ARFGEF3: variants seen among roughly 807,000 people sequenced by gnomAD.
The protein encoded by ARFGEF3 is ARFGEF family member 3, also known as brefeldin A-inhibited guanine nucleotide-exchange protein 3.
Under a neutral mutation model 221.7 loss-of-function variants are expected in ARFGEF3, and 96 were observed. The ratio of observed to expected loss-of-function variants is 0.43; its 90% CI spans 0.37 to 0.51. ARFGEF3 has a LOEUF of 0.51. ARFGEF3 is among the 20% of genes least tolerant of loss of function. ARFGEF3 has a pLI of 0.00. For missense variants in ARFGEF3, 2,410 were observed against 2,789.9 expected (o/e 0.86, Z 3.07); for synonymous variants, 1,145 against 1,126.8 (o/e 1.02, Z -0.32).
chr6:138,277,584 A>G (rs926049281), intron 12 of ARFGEF3, among the ~76,000 whole-genome samples: 1 of 152,220 alleles, frequency 6.6e-6, no homozygotes, highest in Non-Finnish European at 1.5e-5. Context: ...AACATCTTAC[A>G]TGCATTATTG....
intron 32 of ARFGEF3, 32 bp downstream of exon 32, chr6:138,328,174 T>G: frequency 1.9e-6 from 3 of 1,556,622 alleles, no homozygotes; most frequent in Non-Finnish European, 2.6e-6. Context: ...CATAGGGTGC[T>G]TATAAATAAG....
intron 10 of ARFGEF3, 84 bp downstream of exon 10, chr6:138,255,853 T>G: frequency 8.4e-7 from 1 of 1,185,046 alleles, no homozygotes. Flanking sequence ...AGAAAAGGCT[T>G]GCCAATCACT....
In ARFGEF3 at chr6:138,291,269, C is replaced by T. The variant is rs957817983; in HGVS notation, c.3048-464C>T. Among the ~76,000 whole-genome samples, 3 of 152,174 alleles carry T rather than the reference C, an allele frequency of 2.0e-5. No individual in the cohort carries two copies. The highest frequency in any genetic ancestry group is 2.9e-5 in the Non-Finnish European group (2 of 68,036). On this transcript the variant is annotated intron_variant, in intron 18 of 33. Transcript: ENST00000251691. This position sits in a 1 kb window ranked among gnomAD's most constrained non-coding sequence, Gnocchi z 4.5. The stretch of plus-strand genomic sequence containing the variant: ...CAGGCAGGACGTGGCTGGGCAGAAC[C>T]CACTGTGGCTAGTTGGCCTCTCCGT...
rs189101137 is a variant in ARFGEF3 at position 138,226,122 on chromosome 6, A to G, written c.352-3662A>G. On this transcript the variant is annotated intron_variant, in intron 4 of 33. Transcript: ENST00000251691. ...GGTCGCTGGACAGGGTGTGCCTGAC[A>G]GAGAAACCCCCGATCATGACCAGGA... is the stretch of plus-strand genomic sequence containing the variant. Among the ~76,000 whole-genome samples the G allele has an allele frequency of 9.2e-5, 14 of 152,300 alleles. 1 individual carries two copies. The East Asian group carries it at 2.5e-3, about 27-fold the overall frequency.
chr6:138,217,916 G>C, intron 4 of ARFGEF3: 1 of 1,517,564 alleles, frequency 6.6e-7, no homozygotes, highest in Non-Finnish European at 8.8e-7. Context: ...GGCTTAAACA[G>C]TCATTGGTAG....
intron 9 of ARFGEF3, among the ~76,000 whole-genome samples, chr6:138,254,623 G>A (rs1038538607): frequency 1.7e-4 from 26 of 151,810 alleles, no homozygotes; most frequent in Admixed American, 4.6e-4. Context: ...CCAGCTACTC[G>A]GGAGGCTGAG....
At chr6:138,247,975 G>A (rs1362608669) in intron 8 of ARFGEF3, among the ~76,000 whole-genome samples, 1 of 152,150 alleles carries the variant, frequency 6.6e-6, no homozygotes, top group Non-Finnish European at 1.5e-5. Context: ...GGTTGTTATA[G>A]GATTTTAACA....
rs118120270 is a variant in ARFGEF3, at chr6:138,167,921, C to T, written c.86-2741C>T. Among the ~76,000 whole-genome samples the T allele has an allele frequency of 2.7e-3, 417 of 152,324 alleles. 6 individuals carry two copies. In the East Asian group the frequency reaches 0.034, roughly 12 times the overall value. On this transcript the variant is annotated intron_variant, in intron 1 of 33. Coordinates refer to ENST00000251691, the MANE Select transcript of ARFGEF3 (RefSeq NM_020340.5). ...GCCTGGCTCCTACCTGCCCCACAGC[C>T]TTGTGCTATGCCACCCTCATGAGAC...
At chr6:138,164,918 C>A (rs927103604) in intron 1 of ARFGEF3, among the ~76,000 whole-genome samples, 3 of 152,220 alleles carry the variant, frequency 2.0e-5, no homozygotes, top group Non-Finnish European at 4.4e-5. Context: ...CTACTTAGGT[C>A]ATCATGGGAA....
At chr6:138,299,472 G>A (rs1214626238) in intron 22 of ARFGEF3, among the ~76,000 whole-genome samples, 1 of 152,140 alleles carries the variant, frequency 6.6e-6, no homozygotes, top group Non-Finnish European at 1.5e-5. Context: ...TGGAGACTTC[G>A]TATTTCACAC....
chr6:138,280,029 G>A lies in ARFGEF3; in HGVS notation c.2326G>A (p.Gly776Ser), dbSNP rs148522096. ...CTTCATGAAGCAGGTGCAGACCAGC[G>A]GCGTGCTGATGGTCTTCTCTCAGGC... The part of the protein sequence containing the change: ...KDFMKQVQTS[G>S]VLMVFSQAWI... The change falls in exon 14 of 34, where the codon GGC (glycine) becomes AGC (serine). Residue 776 changes from glycine to serine, a missense_variant. Gly to Ser is a moderately conservative substitution (Grantham distance 56, BLOSUM62 0). Around this residue, in one of 5 missense-constraint regions of ARFGEF3, gnomAD observed 594 missense variants for 734.3 expected, o/e 0.81. Coordinates refer to ENST00000251691, the MANE Select transcript of ARFGEF3 (RefSeq NM_020340.5). The A allele has an allele frequency of 5.9e-5, 96 of 1,613,728 alleles. No individual in the cohort carries two copies. Among genetic ancestry groups the A allele is most frequent in the Middle Eastern group, 1.6e-4 (1 of 6,084 alleles).
chr6:138,283,037 C>T (rs1779225843), intron 14 of ARFGEF3, among the ~76,000 whole-genome samples: 1 of 151,270 alleles, frequency 6.6e-6, no homozygotes, highest in Non-Finnish European at 1.5e-5. Context: ...AGCAACAGAG[C>T]GAGACTCTGT....
At chr6:138,222,085 C>T (rs1281649424) in intron 4 of ARFGEF3, among the ~76,000 whole-genome samples, 1 of 152,202 alleles carries the variant, frequency 6.6e-6, no homozygotes, top group African/African-American at 2.4e-5. Flanking sequence ...ATCAGTGGCT[C>T]ATCCTAGTTC....
chr6:138,176,895 C>T (rs867905059), intron 2 of ARFGEF3, among the ~76,000 whole-genome samples: 4 of 151,676 alleles, frequency 2.6e-5, no homozygotes, highest in South Asian at 4.2e-4. Context: ...AATTCTTGGT[C>T]GACATTTTCT....
intron 24 of ARFGEF3, among the ~76,000 whole-genome samples, chr6:138,309,650 G>A (rs1402734066): frequency 2.0e-5 from 3 of 152,172 alleles, no homozygotes; most frequent in African/African-American, 7.2e-5. Context: ...CCATCTGCAA[G>A]CTGGAAAACC....
chr6:138,295,637 A>AAAG lies in ARFGEF3; in HGVS notation c.3503-1171_3503-1170insGAA, dbSNP rs1554256514. ...AGAGTGAGACTCCCTCAAAAAAAAA[A>AAAG]AAAGAAAGAAAGAAAATATAATTGC... On this transcript the variant is annotated intron_variant, in intron 20 of 33. Transcript: ENST00000251691. 2.8e-4 allele frequency among the ~76,000 whole-genome samples: 42 copies of AAAG among 152,012 alleles called. No homozygotes were observed. The East Asian group carries it at 7.9e-3, about 29-fold the overall frequency.
intron 22 of ARFGEF3, among the ~76,000 whole-genome samples, 164 bp from the exon 23 acceptor site, chr6:138,307,089 G>A (rs546946115): frequency 1.3e-5 from 2 of 152,124 alleles, no homozygotes; most frequent in Non-Finnish European, 1.5e-5. Context: ...AATACAATAC[G>A]GCTGATTATT....
At chr6:138,270,017 T>C (rs1778973196) in intron 12 of ARFGEF3, among the ~76,000 whole-genome samples, 1 of 152,008 alleles carries the variant, frequency 6.6e-6, no homozygotes, top group Non-Finnish European at 1.5e-5. Context: ...GCGGAGCTGC[T>C]GGCTTCTCAT....
chr6:138,323,909 A>G (rs1293011574), intron 30 of ARFGEF3, 114 bp from the exon 31 acceptor site: 10 of 1,551,446 alleles, frequency 6.4e-6, no homozygotes, highest in East Asian at 2.3e-5. Context: ...AGAGTGAGAA[A>G]GAAGTTGCTG....
Sources: allele counts gnomAD v4.1 joint callset (sites outside exome capture counted in the v4.1 genomes callset), GRCh38; gene constraint gnomAD v4.1.1; regional missense constraint gnomAD v4.1.1; non-coding constraint Gnocchi (gnomAD v3.1); transcripts MANE v1.5; gene names NCBI Gene and HGNC (gene_info 2026-07-23, HGNC 2026-07-21).